CSMD2: variants seen among roughly 807,000 people sequenced by gnomAD.
The protein encoded by CSMD2 is CUB and sushi domain-containing protein 2.
In CSMD2, 130 loss-of-function variants were observed where a neutral mutation model predicts 398.5. That is an observed-to-expected ratio of 0.33 (90% CI 0.28 to 0.38). The LOEUF (loss-of-function observed/expected upper bound fraction) is 0.38, where lower values mean the gene tolerates loss of function less well. Ranked by LOEUF, CSMD2 falls within the 10% of genes least tolerant of loss-of-function variation. The pLI is 1.00. For missense variants in CSMD2, 3,829 were observed against 4,764.9 expected, an observed-to-expected ratio of 0.80 and a Z score of 5.78; for synonymous variants, 1,828 against 1,908.5, an observed-to-expected ratio of 0.96 and a Z score of 1.10.
At chr1:34,013,593 A>G (rs4653372) in intron 3 of CSMD2, among the ~76,000 whole-genome samples, 32,124 of 152,028 alleles carry the variant, frequency 0.21, 4,080 homozygotes, top group East Asian at 0.58. Flanking sequence ...CCAGCTCTCT[A>G]CAGCCTGATC....
At chr1:34,120,322 T>C (rs1662046201) in intron 1 of CSMD2, among the ~76,000 whole-genome samples, 3 of 152,182 alleles carry the variant, frequency 2.0e-5, no homozygotes, top group African/African-American at 7.2e-5. Context: ...GCTCAATGGG[T>C]GTAGCGTTGT....
At chr1:33,705,366 T>C (rs1398533984) in intron 22 of CSMD2, among the ~76,000 whole-genome samples, 4 of 152,174 alleles carry the variant, frequency 2.6e-5, no homozygotes, top group African/African-American at 4.8e-5. Context: ...TTAATTCTTC[T>C]GTCTAATTGA....
At chr1:34,087,397 C>G (rs1345697870) in intron 2 of CSMD2, among the ~76,000 whole-genome samples, 1 of 151,642 alleles carries the variant, frequency 6.6e-6, no homozygotes, top group Non-Finnish European at 1.5e-5. Flanking sequence ...TGCATGTTCT[C>G]ACTCATAAGT....
rs545031475 is a variant in CSMD2 at position 34,158,148 on chromosome 1, A to C, written c.187+6763T>G. Reference sequence around the variant, plus strand: ...TTCTCTTAACTTACAAGAGTAAGAAAAGAGCTCTGAGAGCCACGCCATCAT... The same window carrying C: ...TTCTCTTAACTTACAAGAGTAAGAACAGAGCTCTGAGAGCCACGCCATCAT... On this transcript the variant is annotated intron_variant, in intron 1 of 70. Transcript: ENST00000373381. Among the ~76,000 whole-genome samples the C allele has an allele frequency of 8.5e-5, 13 of 152,326 alleles. No individual in the cohort carries two copies. The South Asian group carries it at 2.7e-3, about 32-fold the overall frequency.
At position 34,021,263 on chromosome 1, in the gene CSMD2, T is replaced by C. The variant is rs572219265; in HGVS notation, c.517+11331A>G. ...GAAATAAGTCACCCCAAGGAAGAGG[T>C]GGCAGAAAGGCATGCATCCCCTAAA... On this transcript the variant is annotated intron_variant, in intron 3 of 70. Transcript: ENST00000373381. Among the ~76,000 whole-genome samples, 786 of 152,120 alleles carry C rather than the reference T, an allele frequency of 5.2e-3. 4 individuals carry two copies. Among genetic ancestry groups the C allele is most frequent in the Non-Finnish European group, 7.6e-3 (519 of 67,994 alleles).
rs1641740400 is a variant in CSMD2, at chr1:34,164,961, G to A, written c.137C>T (p.Pro46Leu). 3 of 1,220,086 alleles carry A rather than the reference G, an allele frequency of 2.5e-6. No individual in the cohort carries two copies. Among genetic ancestry groups the A allele is most frequent in the South Asian group, 4.1e-5 (1 of 24,536 alleles). 75.6% of individuals were successfully genotyped at this position (1,220,086 alleles called of 1,614,324 possible). The change falls in exon 1 of 71, where the codon CCT becomes CTT. Residue 46 changes from proline to leucine, a missense_variant. Pro to Leu is a moderately conservative substitution (Grantham distance 98). Transcript: ENST00000373381. The surrounding 1 kb of genome is among the most constrained non-coding windows in gnomAD (Gnocchi z 6.2). ...CCCACAGCCCAGCAACAGCAGCAGA[G>A]GCGGCGGCGTTGGCGGCGGCGGGCG... ...WGRPPPPTPP[P>L]LLLLLGCGLL...
intron 1 of CSMD2, among the ~76,000 whole-genome samples, chr1:34,138,568 CT>C (rs1638979456): frequency 6.6e-6 from 1 of 152,200 alleles, no homozygotes; most frequent in Non-Finnish European, 1.5e-5. Context: ...TTCATTTTCA[CT>C]TTTTCCCTCT....
chr1:33,788,719 G>GGA lies in CSMD2; in HGVS notation c.1551-9_1551-8dup. ...GACCGATGTACCTGTCAGGCTGGCA[G>GGA]GAGAGAGATATTTAGAGGTGTGCTC... On this transcript the variant is annotated splice_polypyrimidine_tract_variant and splice_region_variant and intron_variant, in intron 11 of 70. Transcript: ENST00000373381. 1 of 1,566,836 alleles carries GGA rather than the reference G, an allele frequency of 6.4e-7. No individual in the cohort carries two copies. The highest frequency in any genetic ancestry group is 8.8e-7 in the Non-Finnish European group (1 of 1,136,948).
At chr1:33,770,153 G>A (rs1182848619) in intron 13 of CSMD2, among the ~76,000 whole-genome samples, 1 of 152,186 alleles carries the variant, frequency 6.6e-6, no homozygotes, top group Non-Finnish European at 1.5e-5. Flanking sequence ...GACTATTCAT[G>A]TCATAGTCAT....
chr1:33,556,704 C>T lies in CSMD2; in HGVS notation c.8743+1030G>A, dbSNP rs143561742. 5.5e-3 allele frequency among the ~76,000 whole-genome samples: 841 copies of T among 152,286 alleles called. 15 individuals are homozygous for T. The highest frequency in any genetic ancestry group is 0.019 in the African/African-American group (787 of 41,548). ...TGAATTGTAGTTCCCATAATCTCCA[C>T]GTGTTGTGGGAGAGACCCGGTGGGA... On this transcript the variant is annotated intron_variant, in intron 55 of 70. Transcript: ENST00000373381.
intron 2 of CSMD2, among the ~76,000 whole-genome samples, chr1:34,051,062 T>G (rs12127677): frequency 0.11 from 17,165 of 152,244 alleles, 1,155 homozygotes; most frequent in Admixed American, 0.21. Context: ...GCCAGGGTGA[T>G]TGATTCTCAC....
intron 5 of CSMD2, among the ~76,000 whole-genome samples, chr1:33,900,820 C>G (rs887276077): frequency 1.3e-5 from 2 of 151,980 alleles, no homozygotes; most frequent in Non-Finnish European, 2.9e-5. Context: ...TAAATGAGAC[C>G]ATGCATATAA....
chr1:33,827,618 C>T (rs1390884239), intron 6 of CSMD2, among the ~76,000 whole-genome samples: 2 of 151,736 alleles, frequency 1.3e-5, no homozygotes, highest in African/African-American at 4.9e-5. Context: ...ATTTTTGTCA[C>T]TCCACATTGC....
intron 3 of CSMD2, among the ~76,000 whole-genome samples, chr1:34,026,781 A>G (rs1182244033): frequency 6.6e-6 from 1 of 152,176 alleles, no homozygotes; most frequent in African/African-American, 2.4e-5. Context: ...AAATGACCAA[A>G]TGGCAGGAAG....
At chr1:34,157,686 C>T (rs1029311232) in intron 1 of CSMD2, among the ~76,000 whole-genome samples, 12 of 151,142 alleles carry the variant, frequency 7.9e-5, no homozygotes, top group South Asian at 2.1e-4. Context: ...CATCACATCT[C>T]ACTCAATCCT....
chr1:33,584,603 G>GT (rs1215905199), intron 46 of CSMD2, among the ~76,000 whole-genome samples: 1 of 150,604 alleles, frequency 6.6e-6, no homozygotes, highest in Non-Finnish European at 1.5e-5. Flanking sequence ...GGAGGCGGAG[G>GT]TTGCAGTGAG....
At chr1:33,626,084 T>C (rs1642110044) in intron 33 of CSMD2, among the ~76,000 whole-genome samples, 1 of 152,200 alleles carries the variant, frequency 6.6e-6, no homozygotes, top group South Asian at 2.1e-4. Context: ...TTCAAATCGA[T>C]GTCCACGGCA....
At chr1:33,658,163 G>A (rs1644011589) in intron 26 of CSMD2, 26 bp from the exon 27 acceptor site, 1 of 1,596,254 alleles carries the variant, frequency 6.3e-7, no homozygotes, top group African/African-American at 1.3e-5. Context: ...AGAAGAGAGG[G>A]TAAGGTCGCC....
intron 2 of CSMD2, among the ~76,000 whole-genome samples, chr1:34,053,536 A>T (rs1653465883): frequency 6.6e-6 from 1 of 152,188 alleles, no homozygotes; most frequent in Non-Finnish European, 1.5e-5. Flanking sequence ...CTACCCTAGA[A>T]TCCCTCTTTC....
Sources: allele counts gnomAD v4.1 joint callset (sites outside exome capture counted in the v4.1 genomes callset), GRCh38; gene constraint gnomAD v4.1.1; non-coding constraint Gnocchi (gnomAD v3.1); transcripts MANE v1.5; gene names NCBI Gene and HGNC (gene_info 2026-07-23, HGNC 2026-07-21).